RMDN2: variants seen among roughly 807,000 people sequenced by gnomAD.
RMDN2 encodes regulator of microtubule dynamics 2.
Under a neutral mutation model 52.8 loss-of-function variants are expected in RMDN2, and 61 were observed. That is an observed-to-expected ratio of 1.16 (90% CI 0.94 to 1.43). The LOEUF (loss-of-function observed/expected upper bound fraction) is 1.43, where lower values mean the gene tolerates loss of function less well. RMDN2 is among the 40% of genes most tolerant of loss of function. The pLI, the probability that RMDN2 is intolerant of heterozygous loss-of-function variation, is 0.00. For missense variants in RMDN2, 592 were observed against 475.3 expected (o/e 1.25, Z -2.28); for synonymous variants, 180 against 153.1 (o/e 1.18, Z -1.30).
intron 2 of RMDN2, among the ~76,000 whole-genome samples, chr2:37,970,281 G>A (rs952346264): frequency 1.3e-5 from 2 of 151,634 alleles, no homozygotes; most frequent in African/African-American, 4.8e-5. Context: ...GAATTTATTG[G>A]AAAAAAAAAT....
At chr2:37,942,221 A>G (rs574527533) in intron 2 of RMDN2, among the ~76,000 whole-genome samples, 114 of 152,212 alleles carry the variant, frequency 7.5e-4, no homozygotes, top group African/African-American at 2.5e-3. Flanking sequence ...CTCACCCTCC[A>G]TAGGCTGCAC....
intron 7 of RMDN2, among the ~76,000 whole-genome samples, chr2:37,995,322 G>GACTACTACTACT (rs3056282): frequency 0.052 from 7,638 of 147,162 alleles, 230 homozygotes; most frequent in Non-Finnish European, 0.065. Flanking sequence ...AAGAGGGGAT[G>GACTACTACTACT]ACTACTACTA....
At chr2:38,008,443 C>A (rs543135361) in intron 10 of RMDN2, among the ~76,000 whole-genome samples, 1 of 152,084 alleles carries the variant, frequency 6.6e-6, no homozygotes, top group Non-Finnish European at 1.5e-5. Context: ...TTGAATTGAT[C>A]CCTTTACCAT....
chr2:37,959,584 C>G (rs1486283365), intron 2 of RMDN2, among the ~76,000 whole-genome samples: 1 of 150,598 alleles, frequency 6.6e-6, no homozygotes, highest in Non-Finnish European at 1.5e-5. Flanking sequence ...TTTTGTTGAT[C>G]TTTTCAAAAA....
chr2:38,028,964 T>C (rs1679981607), intron 10 of RMDN2, among the ~76,000 whole-genome samples: 1 of 152,078 alleles, frequency 6.6e-6, no homozygotes, highest in African/African-American at 2.4e-5. Flanking sequence ...ACCACTTTCC[T>C]GAGGCTGCAG....
At chr2:37,984,073 T>C (rs1288507572) in intron 5 of RMDN2, among the ~76,000 whole-genome samples, 1 of 152,216 alleles carries the variant, frequency 6.6e-6, no homozygotes, top group Non-Finnish European at 1.5e-5. Context: ...AAACAAAAGA[T>C]GTAATCTTTA....
At chr2:37,949,295 C>T (rs1177971634) in intron 2 of RMDN2, among the ~76,000 whole-genome samples, 1 of 152,128 alleles carries the variant, frequency 6.6e-6, no homozygotes, top group Non-Finnish European at 1.5e-5. Context: ...TGTTTCCCTT[C>T]AGGACCAAGA....
intron 2 of RMDN2, among the ~76,000 whole-genome samples, chr2:37,942,014 A>T (rs921309612): frequency 1.3e-5 from 2 of 150,720 alleles, no homozygotes; most frequent in African/African-American, 4.9e-5. Context: ...TGTGCTTGAA[A>T]CCCTGGGCCC....
chr2:37,939,875 A>G lies in RMDN2; in HGVS notation c.452+10146A>G. Among the ~76,000 whole-genome samples the G allele has an allele frequency of 1.3e-5, 2 of 152,252 alleles. 1 individual carries two copies. The highest frequency in any genetic ancestry group is 4.1e-4 in the South Asian group (2 of 4,830). On this transcript the variant is annotated intron_variant, in intron 2 of 10. Transcript: ENST00000354545. ...GTCTTTTGATTGGGGCATTTAGCCCATTTACATTTAAGGTTAATATTGTTA... is the reference window on the plus strand; with the variant it reads ...GTCTTTTGATTGGGGCATTTAGCCCGTTTACATTTAAGGTTAATATTGTTA...
At chr2:37,940,465 C>G (rs1053013769) in intron 2 of RMDN2, among the ~76,000 whole-genome samples, 5 of 152,140 alleles carry the variant, frequency 3.3e-5, no homozygotes, top group Non-Finnish European at 5.9e-5. Context: ...TGGATAGTAT[C>G]CTGAAGTGTG....
upstream of RMDN2, among the ~76,000 whole-genome samples, chr2:37,922,911 G>T (rs1335395727): frequency 6.6e-6 from 1 of 152,214 alleles, no homozygotes; most frequent in Non-Finnish European, 1.5e-5. Flanking sequence ...TAGTGCTGAA[G>T]TGTAGAATGA....
At chr2:37,976,248 T>C (rs1672448543) in intron 4 of RMDN2, 1 of 152,226 alleles carries the variant, frequency 6.6e-6, no homozygotes, top group Non-Finnish European at 1.5e-5. Flanking sequence ...ACTAAATAGA[T>C]AGAATATCAA....
chr2:37,945,135 G>A (rs1668119027), intron 2 of RMDN2, among the ~76,000 whole-genome samples: 1 of 152,162 alleles, frequency 6.6e-6, no homozygotes, highest in Admixed American at 6.5e-5. Flanking sequence ...CCCTAATAAA[G>A]GAGTAAGTAC....
intron 7 of RMDN2, among the ~76,000 whole-genome samples, chr2:37,995,670 A>G (rs1352013489): frequency 6.6e-6 from 1 of 152,242 alleles, no homozygotes; most frequent in African/African-American, 2.4e-5. Flanking sequence ...CCATGTGGCT[A>G]ACCATTGGAG....
intron 10 of RMDN2, among the ~76,000 whole-genome samples, chr2:38,033,457 G>C (rs1238816166): frequency 6.6e-6 from 1 of 152,124 alleles, no homozygotes; most frequent in East Asian, 1.9e-4. Context: ...TACCTCTCTT[G>C]CTCTGCTATA....
intron 10 of RMDN2, among the ~76,000 whole-genome samples, chr2:38,015,936 A>G (rs1190649556): frequency 1.3e-5 from 2 of 152,256 alleles, no homozygotes; most frequent in African/African-American, 4.8e-5. Flanking sequence ...TGGATAGTTC[A>G]GATTTGGGAG....
intron 5 of RMDN2, among the ~76,000 whole-genome samples, chr2:37,987,732 A>G (rs1674219482): frequency 1.3e-5 from 2 of 152,194 alleles, no homozygotes; most frequent in South Asian, 4.1e-4. Flanking sequence ...ATCAGTTTTA[A>G]CAAATGTACC....
chr2:38,011,684 A>C (rs963689216), intron 10 of RMDN2, among the ~76,000 whole-genome samples: 3 of 152,196 alleles, frequency 2.0e-5, no homozygotes, highest in African/African-American at 7.2e-5. Context: ...CAGTTATGGA[A>C]ATTTTCAAAA....
intron 10 of RMDN2, chr2:38,033,267 C>T (rs1172774133): frequency 6.6e-6 from 1 of 152,158 alleles, no homozygotes; most frequent in African/African-American, 2.4e-5. Context: ...CTCTTTCTTG[C>T]CTTAACACTG....
Sources: gnomAD v4.1 joint callset for allele counts (sites outside exome capture counted in the v4.1 genomes callset) on GRCh38, gnomAD v4.1.1 for gene constraint, MANE v1.5 for transcripts, NCBI Gene and HGNC (gene_info 2026-07-23, HGNC 2026-07-21) for gene names.